The following CCSER1 variants were observed in gnomAD, a reference collection of about 807,000 sequenced individuals.
CCSER1 encodes the protein coiled-coil serine rich protein 1.
Under a neutral mutation model 82.0 loss-of-function variants are expected in CCSER1, and 41 were observed. The observed-to-expected ratio is 0.50, with a 90% CI of 0.39 to 0.65. CCSER1 has a LOEUF of 0.65. CCSER1 is among the 30% of genes least tolerant of loss of function. The probability of loss-of-function intolerance (pLI) is 0.00; values close to 1 mark genes in which losing one functional copy is unlikely to be tolerated. For missense variants in CCSER1, 1,119 were observed against 1,064.2 expected, an observed-to-expected ratio of 1.05 and a Z score of -0.72; for synonymous variants, 414 against 383.9, an observed-to-expected ratio of 1.08 and a Z score of -0.92.
chr4:90,979,247 T>A (rs1376386295), intron 9 of CCSER1, among the ~76,000 whole-genome samples: 1 of 151,598 alleles, frequency 6.6e-6, no homozygotes, highest in Non-Finnish European at 1.5e-5. Flanking sequence ...AATACAGTCA[T>A]CACATTACCT....
At chr4:90,833,003 G>C (rs907460703) in intron 8 of CCSER1, among the ~76,000 whole-genome samples, 4 of 152,130 alleles carry the variant, frequency 2.6e-5, no homozygotes, top group African/African-American at 9.7e-5. Context: ...ATGGTCTTTC[G>C]TTATTCACAG....
chr4:91,517,778 GTGTGTGTT>G (rs751966926), intron 10 of CCSER1, among the ~76,000 whole-genome samples: 172 of 134,190 alleles, frequency 1.3e-3, no homozygotes, highest in Admixed American at 3.2e-3. Flanking sequence ...GTGTGTGTGT[GTGTGTGTT>G]TAACTTTGAT....
At chr4:91,424,353 G>A (rs1753855925) in intron 10 of CCSER1, among the ~76,000 whole-genome samples, 1 of 152,072 alleles carries the variant, frequency 6.6e-6, no homozygotes. Flanking sequence ...TCTTAGATCT[G>A]CGGAATTTGG....
intron 10 of CCSER1, among the ~76,000 whole-genome samples, chr4:91,470,227 G>T (rs954822783): frequency 9.2e-5 from 14 of 152,024 alleles, no homozygotes; most frequent in Non-Finnish European, 5.9e-5. Flanking sequence ...TAGGTGCTAG[G>T]GTATTGTACA....
intron 10 of CCSER1, among the ~76,000 whole-genome samples, chr4:91,226,675 G>A (rs773608405): frequency 4.0e-5 from 6 of 151,824 alleles, no homozygotes; most frequent in African/African-American, 7.2e-5. Flanking sequence ...CAGCACTTAC[G>A]TATTATGAAA....
At chr4:90,415,880 A>G (rs560382179) in intron 4 of CCSER1, among the ~76,000 whole-genome samples, 2 of 152,328 alleles carry the variant, frequency 1.3e-5, no homozygotes, top group African/African-American at 2.4e-5. Context: ...ACCCATTTGG[A>G]GTATATTACT....
At chr4:90,366,580 CAAAAGG>C (rs1041256822) in intron 3 of CCSER1, among the ~76,000 whole-genome samples, 1 of 151,548 alleles carries the variant, frequency 6.6e-6, no homozygotes, top group African/African-American at 2.4e-5. Flanking sequence ...CAATAGAACT[CAAAAGG>C]GAAAAAAAAT....
intron 9 of CCSER1, among the ~76,000 whole-genome samples, chr4:91,054,334 G>C (rs1033100229): frequency 6.6e-6 from 1 of 152,132 alleles, no homozygotes; most frequent in Non-Finnish European, 1.5e-5. Context: ...GTACTCTTTT[G>C]TTAAATCAAC....
At chr4:90,870,345 A>C (rs916658943) in intron 8 of CCSER1, among the ~76,000 whole-genome samples, 2 of 151,648 alleles carry the variant, frequency 1.3e-5, no homozygotes, top group African/African-American at 4.8e-5. Flanking sequence ...ATATAGCTTA[A>C]ATTGTATTGA....
At chr4:90,762,829 A>C (rs1750610243) in intron 7 of CCSER1, among the ~76,000 whole-genome samples, 1 of 152,144 alleles carries the variant, frequency 6.6e-6, no homozygotes, top group African/African-American at 2.4e-5. Flanking sequence ...AGATGTGACC[A>C]AATTAAATAT....
intron 8 of CCSER1, among the ~76,000 whole-genome samples, chr4:90,890,243 G>A (rs566951500): frequency 2.0e-5 from 3 of 152,182 alleles, no homozygotes; most frequent in East Asian, 3.9e-4. Context: ...TTGGTTTGTC[G>A]CTTCCTAGAT....
intron 1 of CCSER1, among the ~76,000 whole-genome samples, chr4:90,189,895 A>G (rs115099232): frequency 0.021 from 3,189 of 152,112 alleles, 40 homozygotes; most frequent in South Asian, 0.035. Flanking sequence ...GTTTACTAGG[A>G]GAAAGAAGTG....
intron 7 of CCSER1, among the ~76,000 whole-genome samples, chr4:90,771,766 G>A (rs1233733448): frequency 1.3e-5 from 2 of 151,932 alleles, no homozygotes; most frequent in Non-Finnish European, 2.9e-5. Flanking sequence ...GAACCTCAGT[G>A]GATACTACTT....
At chr4:90,998,884 C>T (rs1737747522) in intron 9 of CCSER1, among the ~76,000 whole-genome samples, 1 of 152,124 alleles carries the variant, frequency 6.6e-6, no homozygotes, top group Non-Finnish European at 1.5e-5. Context: ...TGCCTCCCTC[C>T]CTCCCTCCAT....
chr4:90,321,473 A>G (rs530793441), intron 3 of CCSER1, among the ~76,000 whole-genome samples: 16 of 152,274 alleles, frequency 1.1e-4, no homozygotes, highest in African/African-American at 2.6e-4. Context: ...GCTGATGGAC[A>G]CTTAAGTTGA....
chr4:91,310,327 GGAA>G (rs1382174883), intron 10 of CCSER1, among the ~76,000 whole-genome samples: 4 of 151,122 alleles, frequency 2.6e-5, no homozygotes, highest in South Asian at 2.1e-4. Context: ...GGGCCAGATT[GGAA>G]GAAGAATTGT....
intron 4 of CCSER1, among the ~76,000 whole-genome samples, chr4:90,467,627 G>A (rs1763818199): frequency 6.6e-6 from 1 of 151,920 alleles, no homozygotes; most frequent in Admixed American, 6.6e-5. Flanking sequence ...AGGTTGCAGT[G>A]AGCCAAGATC....
intron 10 of CCSER1, among the ~76,000 whole-genome samples, chr4:91,118,935 T>G (rs936784806): frequency 6.6e-6 from 1 of 152,144 alleles, no homozygotes; most frequent in Non-Finnish European, 1.5e-5. Context: ...CCACAGGCAG[T>G]CTGGGTAAGG....
intron 10 of CCSER1, among the ~76,000 whole-genome samples, chr4:91,274,433 C>A (rs932546385): frequency 2.0e-5 from 3 of 152,122 alleles, no homozygotes; most frequent in African/African-American, 7.2e-5. Flanking sequence ...TTTCTTCTTT[C>A]TAACTGTATG....
Sources: gnomAD v4.1 joint callset for allele counts (sites outside exome capture counted in the v4.1 genomes callset) on GRCh38, gnomAD v4.1.1 for gene constraint, MANE v1.5 for transcripts, NCBI Gene and HGNC (gene_info 2026-07-23, HGNC 2026-07-21) for gene names.